ADAMTS6: variants seen among roughly 807,000 people sequenced by gnomAD.
The protein encoded by ADAMTS6 is ADAM metallopeptidase with thrombospondin type 1 motif 6.
A neutral mutation model predicts 144.3 loss-of-function variants in ADAMTS6; 23 were observed. That is an observed-to-expected ratio of 0.16 (90% confidence interval 0.11 to 0.23). The LOEUF (loss-of-function observed/expected upper bound fraction) is 0.23. Among genes scored for constraint, ADAMTS6 ranks in the 10% least tolerant of loss-of-function variants. ADAMTS6 has a pLI of 1.00. For missense variants in ADAMTS6, 999 were observed against 1,379.6 expected (o/e 0.72, Z 4.37); for synonymous variants, 444 against 457.5 (o/e 0.97, Z 0.38).
At chr5:65,448,756 G>A (rs1758488637) in intron 7 of ADAMTS6, among the ~76,000 whole-genome samples, 1 of 151,602 alleles carries the variant, frequency 6.6e-6, no homozygotes, top group Admixed American at 6.6e-5. Context: ...CCCGGCCCTG[G>A]CATTCTTGAT....
At chr5:65,277,217 T>C (rs1432014506) in intron 11 of ADAMTS6, among the ~76,000 whole-genome samples, 1 of 152,186 alleles carries the variant, frequency 6.6e-6, no homozygotes, top group East Asian at 1.9e-4. Context: ...AATAGCTTTT[T>C]CCCAACTCAT....
chr5:65,294,772 T>A (rs1742667416), intron 10 of ADAMTS6, among the ~76,000 whole-genome samples: 1 of 152,104 alleles, frequency 6.6e-6, no homozygotes, highest in Non-Finnish European at 1.5e-5. Context: ...TGGGAGTGCT[T>A]TTCCTTACTT....
intron 20 of ADAMTS6, among the ~76,000 whole-genome samples, chr5:65,200,608 T>C (rs777033133): frequency 2.6e-5 from 4 of 152,196 alleles, no homozygotes; most frequent in Admixed American, 1.3e-4. Context: ...TCTAGTGGCT[T>C]AGTGTCCAGA....
chr5:65,340,220 T>C (rs1747689456), intron 7 of ADAMTS6, among the ~76,000 whole-genome samples: 1 of 152,002 alleles, frequency 6.6e-6, no homozygotes, highest in Non-Finnish European at 1.5e-5. Flanking sequence ...AGAAGGTGTA[T>C]TTAAAGCACT....
intron 3 of ADAMTS6, among the ~76,000 whole-genome samples, chr5:65,461,625 G>C (rs952073834): frequency 5.9e-5 from 9 of 152,146 alleles, no homozygotes; most frequent in African/African-American, 2.2e-4. Context: ...AAATGAAAGA[G>C]TTGGTCTAAA....
At chr5:65,354,410 TA>T (rs1749135972) in intron 7 of ADAMTS6, among the ~76,000 whole-genome samples, 1 of 151,726 alleles carries the variant, frequency 6.6e-6, no homozygotes, top group African/African-American at 2.4e-5. Context: ...ATAATACAAA[TA>T]ATGTATATAT....
At chr5:65,443,423 C>T (rs2150235649) in intron 7 of ADAMTS6, among the ~76,000 whole-genome samples, 1 of 151,964 alleles carries the variant, frequency 6.6e-6, no homozygotes, top group Middle Eastern at 3.4e-3. Flanking sequence ...GAGTTTGAGA[C>T]CAGCTTAAGC....
chr5:65,320,458 A>C (rs1231340160), intron 9 of ADAMTS6, among the ~76,000 whole-genome samples: 2 of 152,130 alleles, frequency 1.3e-5, no homozygotes, highest in African/African-American at 4.8e-5. Flanking sequence ...CTAGGCTCCA[A>C]TGACGTCATT....
At chr5:65,442,138 G>A (rs779738231) in intron 7 of ADAMTS6, among the ~76,000 whole-genome samples, 91 of 148,150 alleles carry the variant, frequency 6.1e-4, no homozygotes, top group Middle Eastern at 7.0e-3. Context: ...TTATTAAAAT[G>A]TCTAGCCACA....
chr5:65,242,269 G>A, intron 14 of ADAMTS6, 63 bp from the exon 15 acceptor site: 1 of 1,267,908 alleles, frequency 7.9e-7, no homozygotes, highest in African/African-American at 1.5e-5. Flanking sequence ...AAGGGACAAT[G>A]TCCCTAAAAT....
At chr5:65,353,424 T>C (rs1749040781) in intron 7 of ADAMTS6, among the ~76,000 whole-genome samples, 1 of 152,048 alleles carries the variant, frequency 6.6e-6, no homozygotes, top group Non-Finnish European at 1.5e-5. Flanking sequence ...CTAGTGTTCT[T>C]ATCATTTGTT....
chr5:65,328,102 G>T (rs1197589689), intron 9 of ADAMTS6, among the ~76,000 whole-genome samples: 1 of 152,032 alleles, frequency 6.6e-6, no homozygotes, highest in Non-Finnish European at 1.5e-5. Context: ...GTGTAATACT[G>T]ACTTTTCCTG....
chr5:65,311,150 A>G (rs1349383173), intron 9 of ADAMTS6, among the ~76,000 whole-genome samples: 1 of 152,200 alleles, frequency 6.6e-6, no homozygotes, highest in Non-Finnish European at 1.5e-5. Flanking sequence ...ATTGTGCATC[A>G]ATGGGAGACT....
At chr5:65,340,397 A>C (rs1005562337) in intron 7 of ADAMTS6, among the ~76,000 whole-genome samples, 3 of 152,154 alleles carry the variant, frequency 2.0e-5, no homozygotes, top group Non-Finnish European at 4.4e-5. Flanking sequence ...TCTGGAAATC[A>C]AAAAATAATA....
At chr5:65,456,192 AACT>A (rs1759186556) in intron 4 of ADAMTS6, among the ~76,000 whole-genome samples, 1 of 152,086 alleles carries the variant, frequency 6.6e-6, no homozygotes, top group Admixed American at 6.5e-5. Context: ...AATGATCTGT[AACT>A]ACTATCTTTC....
At chr5:65,322,104 A>T (rs1389629186) in intron 9 of ADAMTS6, among the ~76,000 whole-genome samples, 1 of 152,106 alleles carries the variant, frequency 6.6e-6, no homozygotes, top group Non-Finnish European at 1.5e-5. Context: ...CAGTTATCCT[A>T]GCAGCATTTA....
At chr5:65,470,125 T>C (rs945284487) in intron 3 of ADAMTS6, among the ~76,000 whole-genome samples, 7 of 152,190 alleles carry the variant, frequency 4.6e-5, no homozygotes, top group African/African-American at 2.4e-5. Flanking sequence ...TGCCTCGCCA[T>C]GCTGCCCAGG....
At chr5:65,299,110 T>C (rs1743127842) in intron 10 of ADAMTS6, among the ~76,000 whole-genome samples, 2 of 152,126 alleles carry the variant, frequency 1.3e-5, no homozygotes. Context: ...CAGTTAAAAA[T>C]AATGGTAAAG....
chr5:65,433,336 A>T (rs1200160754), intron 7 of ADAMTS6, among the ~76,000 whole-genome samples: 5 of 152,146 alleles, frequency 3.3e-5, no homozygotes, highest in Non-Finnish European at 7.4e-5. Context: ...TCATGTCATA[A>T]CATTATAATC....
Sources: gnomAD v4.1 joint callset for allele counts (sites outside exome capture counted in the v4.1 genomes callset) on GRCh38, gnomAD v4.1.1 for gene constraint, MANE v1.5 for transcripts, NCBI Gene and HGNC (gene_info 2026-07-23, HGNC 2026-07-21) for gene names.